Variants in EOGT observed in about 807,000 individuals in gnomAD.
The protein encoded by EOGT is EGF domain specific O-linked N-acetylglucosamine transferase.
A neutral mutation model predicts 70.5 loss-of-function variants in EOGT; 55 were observed. The ratio of observed to expected loss-of-function variants is 0.78; its 90% CI spans 0.63 to 0.98. The LOEUF (loss-of-function observed/expected upper bound fraction) is 0.98, where lower values mean the gene tolerates loss of function less well. EOGT is among the 50% of genes least tolerant of loss of function. The pLI, the probability that EOGT is intolerant of heterozygous loss-of-function variation, is 0.00. For synonymous variants in EOGT, 246 were observed against 217.1 expected (o/e 1.13, Z -1.17); for missense variants, 703 against 641.9 (o/e 1.10, Z -1.03).
chr3:68,990,930 T>A (rs1351434043), intron 10 of EOGT, among the ~76,000 whole-genome samples: 1 of 150,412 alleles, frequency 6.6e-6, no homozygotes, highest in African/African-American at 2.4e-5. Flanking sequence ...CTTCTTTCCA[T>A]GTTCCTCCAA....
At chr3:68,992,499 T>C (rs943539173) in intron 10 of EOGT, among the ~76,000 whole-genome samples, 1 of 152,232 alleles carries the variant, frequency 6.6e-6, no homozygotes, top group Non-Finnish European at 1.5e-5. Flanking sequence ...TGGGCAGCTC[T>C]GCCCCTGTGG....
chr3:68,987,835 G>A (rs2090860815), intron 13 of EOGT: 3 of 418,372 alleles, frequency 7.2e-6, no homozygotes, highest in Non-Finnish European at 1.3e-5. Context: ...AGGACAGGAG[G>A]AAGCACATTC....
At chr3:68,983,846 C>T (rs1419799580) in intron 14 of EOGT, among the ~76,000 whole-genome samples, 1 of 152,114 alleles carries the variant, frequency 6.6e-6, no homozygotes, top group African/African-American at 2.4e-5. Context: ...GCCTGTAATC[C>T]CAGCTACTCG....
chr3:68,979,892 C>A, intron 15 of EOGT, 105 bp from the exon 16 acceptor site: 1 of 1,063,008 alleles, frequency 9.4e-7, no homozygotes, highest in East Asian at 2.8e-5. Context: ...GTGTATTGCC[C>A]ATTTTAAACC....
chr3:68,997,135 A>C (rs2091173083), intron 10 of EOGT, among the ~76,000 whole-genome samples: 1 of 152,224 alleles, frequency 6.6e-6, no homozygotes, highest in Non-Finnish European at 1.5e-5. Flanking sequence ...AGAGAAGGAA[A>C]AAAAGATTGC....
At chr3:68,984,494 C>T (rs1008363446) in intron 14 of EOGT, among the ~76,000 whole-genome samples, 3 of 152,258 alleles carry the variant, frequency 2.0e-5, no homozygotes, top group African/African-American at 7.2e-5. Context: ...GCTATTCAAA[C>T]CCTAAAGTTG....
At chr3:69,013,126 G>A (rs1198143289) in intron 1 of EOGT, among the ~76,000 whole-genome samples, 1 of 152,076 alleles carries the variant, frequency 6.6e-6, no homozygotes, top group Non-Finnish European at 1.5e-5. Flanking sequence ...GGTCAGTGGC[G>A]AGCACCCCGC....
At chr3:69,007,507 C>CGGGGGGGGCG (rs2091465413) in intron 6 of EOGT, among the ~76,000 whole-genome samples, 1 of 24,782 alleles carries the variant, frequency 4.0e-5, no homozygotes, top group Non-Finnish European at 9.6e-5. Flanking sequence ...TAAAAATTAG[C>CGGGGGGGGCG]GGGGGGGGGT....
chr3:68,975,580 A>C lies in EOGT; in HGVS notation c.*2038T>G, dbSNP rs929062033. The stretch of plus-strand genomic sequence containing the variant: ...TCAGAAGTCAATGCCTTGCTGATGC[A>C]AAGCGCAACATGCTTTTGTCATCCC... On this transcript the variant is annotated 3_prime_UTR_variant, in exon 18 of 18. Transcript: ENST00000383701. 2.0e-5 allele frequency: 3 copies of C among 152,626 alleles called. No homozygotes were observed. Among genetic ancestry groups the C allele is most frequent in the Non-Finnish European group, 4.4e-5 (3 of 68,028 alleles). The allele number at this position is 152,626 out of a possible 1,614,324, so 9.5% of individuals were successfully genotyped here.
chr3:69,000,182 T>C (rs149532537), intron 9 of EOGT, among the ~76,000 whole-genome samples: 142 of 152,266 alleles, frequency 9.3e-4, no homozygotes, highest in African/African-American at 3.1e-3. Context: ...GCTGTGATCA[T>C]GCCACTGTAC....
intron 10 of EOGT, among the ~76,000 whole-genome samples, chr3:68,990,964 T>C (rs2090979396): frequency 6.6e-6 from 1 of 150,942 alleles, no homozygotes; most frequent in Non-Finnish European, 1.5e-5. Context: ...AAGGCCCTTC[T>C]CAACACCATC....
chr3:68,996,670 G>C (rs1277662831), intron 10 of EOGT, among the ~76,000 whole-genome samples: 1 of 152,186 alleles, frequency 6.6e-6, no homozygotes, highest in African/African-American at 2.4e-5. Flanking sequence ...TTGCACCTGA[G>C]CTGTGCTGTG....
At chr3:68,992,672 G>A (rs1208098388) in intron 10 of EOGT, among the ~76,000 whole-genome samples, 1 of 152,186 alleles carries the variant, frequency 6.6e-6, no homozygotes, top group Non-Finnish European at 1.5e-5. Flanking sequence ...ACCCCACTAA[G>A]GACTCTGTTT....
chr3:69,012,011 T>C lies in EOGT; in HGVS notation c.-70-20A>G, dbSNP rs1215018659. The C allele has an allele frequency of 6.6e-6, 1 of 152,168 alleles. No homozygotes were observed. 9.4% of individuals were successfully genotyped at this position (152,168 alleles called of 1,614,324 possible). A position where few individuals can be genotyped will look rare whatever the true frequency, so the allele number is the denominator to read the frequency against. On this transcript the variant is annotated intron_variant, in intron 2 of 17. Transcript: ENST00000383701. ...TAAAACCTGTCAGAAATGAAACATA[T>C]TACCTTAAAAGGATGCTAAAGTAAA...
At chr3:68,978,457 A>T (rs2090536327) in intron 16 of EOGT, 22 bp from the exon 17 acceptor site, 1 of 1,516,488 alleles carries the variant, frequency 6.6e-7, no homozygotes, top group East Asian at 2.3e-5. Context: ...AGGGTGTCAC[A>T]ACATGAGGCT....
At chr3:68,997,186 AT>A (rs1353699384) in intron 10 of EOGT, among the ~76,000 whole-genome samples, 5 of 152,214 alleles carry the variant, frequency 3.3e-5, no homozygotes. Flanking sequence ...CAACACATGC[AT>A]TTATGTGCAT....
In EOGT at chr3:69,009,725, C is replaced by T. The variant is rs116007086; in HGVS notation, c.122G>A (p.Arg41His). The T allele has an allele frequency of 3.7e-6, 6 of 1,613,880 alleles. No homozygotes were observed. In the Admixed American group the frequency reaches 5.0e-5, roughly 13 times the overall value. The change falls in exon 4 of 18, where the codon CGC becomes CAC. Residue 41 changes from arginine (R) to histidine (H), a missense_variant. By Grantham distance (29) the Arg-to-His change is conservative. Coordinates refer to ENST00000383701, the MANE Select transcript of EOGT (RefSeq NM_001278689.2). ...GAAGGGAATGTGCTCCTCTGGCAAG[C>T]GGATGCTGGCATAGTTATACAGAGG... is the stretch of plus-strand genomic sequence containing the variant. ...GEPLYNYASI[R>H]LPEEHIPFFL...
At chr3:69,001,974 G>A (rs181235805) in intron 8 of EOGT, among the ~76,000 whole-genome samples, 2 of 152,188 alleles carry the variant, frequency 1.3e-5, no homozygotes, top group South Asian at 2.1e-4. Context: ...GTCAGATCAC[G>A]AGGTCAGGAG....
intron 3 of EOGT, 62 bp from the exon 4 acceptor site, chr3:69,009,922 AACAAC>A: frequency 6.5e-6 from 4 of 613,602 alleles, no homozygotes; most frequent in Admixed American, 3.8e-5. Flanking sequence ...AAACAACAAC[AACAAC>A]AACAACAAAA....
Sources: gnomAD v4.1 joint callset for allele counts (sites outside exome capture counted in the v4.1 genomes callset) on GRCh38, gnomAD v4.1.1 for gene constraint, MANE v1.5 for transcripts, NCBI Gene and HGNC (gene_info 2026-07-23, HGNC 2026-07-21) for gene names.